BMPER: variants seen among roughly 807,000 people sequenced by gnomAD.
BMPER encodes the protein BMP-binding endothelial regulator protein.
A neutral mutation model predicts 87.3 loss-of-function variants in BMPER; 45 were observed. The ratio of observed to expected loss-of-function variants is 0.52; its 90% CI spans 0.41 to 0.66. The LOEUF (loss-of-function observed/expected upper bound fraction) is 0.66. Ranked by LOEUF, BMPER falls within the 30% of genes least tolerant of loss-of-function variation. The probability of loss-of-function intolerance (pLI) is 0.00; values close to 1 mark genes in which losing one functional copy is unlikely to be tolerated. For missense variants in BMPER, 784 were observed against 867.5 expected, an observed-to-expected ratio of 0.90 and a Z score of 1.21; for synonymous variants, 326 against 316.2, an observed-to-expected ratio of 1.03 and a Z score of -0.33.
intron 2 of BMPER, among the ~76,000 whole-genome samples, chr7:33,921,318 C>T (rs974670096): frequency 3.9e-5 from 6 of 152,146 alleles, no homozygotes; most frequent in East Asian, 1.9e-4. Flanking sequence ...TCAAAGCCAC[C>T]CTGTGAGGTA....
chr7:34,079,063 A>AG lies in BMPER; in HGVS notation c.1288dup (p.Val430GlyfsTer75), dbSNP rs1788942264. 4 of 1,614,008 alleles carry AG rather than the reference A, an allele frequency of 2.5e-6. No homozygotes were observed. Among genetic ancestry groups the AG allele is most frequent in the Non-Finnish European group, 3.4e-6 (4 of 1,180,022 alleles). The stretch of plus-strand genomic sequence containing the variant: ...GGTGGAGCTGGTGCTGGGCGAGAGC[A>AG]GGGTCAGCCTGCAGCAGCACCTCAC... On this transcript the variant is annotated frameshift_variant, in exon 12 of 15. Transcript: ENST00000649409. LOFTEE classifies it high-confidence loss of function.
At chr7:34,029,670 T>C (rs754445730) in intron 6 of BMPER, among the ~76,000 whole-genome samples, 1 of 152,094 alleles carries the variant, frequency 6.6e-6, no homozygotes, top group Non-Finnish European at 1.5e-5. Flanking sequence ...CTATAAGGGA[T>C]CTATTTGTTT....
intron 2 of BMPER, among the ~76,000 whole-genome samples, chr7:33,908,576 C>T (rs529200947): frequency 1.3e-5 from 2 of 152,190 alleles, no homozygotes; most frequent in South Asian, 2.1e-4. Context: ...TGAAAAGATG[C>T]ATCAGTTGGA....
chr7:33,912,636 A>G (rs1316093462), intron 2 of BMPER, among the ~76,000 whole-genome samples: 1 of 152,214 alleles, frequency 6.6e-6, no homozygotes, highest in African/African-American at 2.4e-5. Flanking sequence ...TAAATAAAGG[A>G]TATCAGTTTT....
At chr7:34,137,813 G>T (rs1013431779) in intron 13 of BMPER, among the ~76,000 whole-genome samples, 1 of 152,234 alleles carries the variant, frequency 6.6e-6, no homozygotes, top group Non-Finnish European at 1.5e-5. Context: ...AATGGAGTTA[G>T]AAAAGTAGGC....
intron 5 of BMPER, among the ~76,000 whole-genome samples, chr7:33,971,763 A>G (rs1361395445): frequency 8.5e-5 from 13 of 152,242 alleles, no homozygotes; most frequent in Non-Finnish European, 1.3e-4. Flanking sequence ...CTCGGGTCTC[A>G]GATCTCCCAG....
rs557538960 is a variant in BMPER, at chr7:34,086,157, A to G, written c.1745+65A>G. The G allele has an allele frequency of 1.6e-5, 25 of 1,539,516 alleles. No homozygotes were observed. The Middle Eastern group carries it at 5.8e-4, about 36-fold the overall frequency. ...CCAATAATAGACTTGACCTTGGAACATGGTGTATGAAATCTCTTGTTGTGC... is the reference window on the plus strand; with the variant it reads ...CCAATAATAGACTTGACCTTGGAACGTGGTGTATGAAATCTCTTGTTGTGC... On this transcript the variant is annotated intron_variant, in intron 13 of 14. Coordinates refer to ENST00000649409, the MANE Select transcript of BMPER (RefSeq NM_001365308.1).
intron 3 of BMPER, among the ~76,000 whole-genome samples, chr7:33,946,606 T>C (rs1428679574): frequency 6.6e-6 from 1 of 152,182 alleles, no homozygotes; most frequent in Non-Finnish European, 1.5e-5. Flanking sequence ...ACAAATCTGA[T>C]TTAAAACAAA....
At chr7:34,035,552 A>G (rs971295184) in intron 6 of BMPER, among the ~76,000 whole-genome samples, 1 of 152,224 alleles carries the variant, frequency 6.6e-6, no homozygotes, top group African/African-American at 2.4e-5. Flanking sequence ...AGATTCAGGT[A>G]TATCTTAATT....
rs184919538 is a variant in BMPER at position 34,134,303 on chromosome 7, G to C, written c.1746-8927G>C. 9.0e-4 allele frequency among the ~76,000 whole-genome samples: 137 copies of C among 152,276 alleles called. 2 individuals carry two copies. Among genetic ancestry groups the C allele is most frequent in the African/African-American group, 3.0e-3 (124 of 41,560 alleles). On this transcript the variant is annotated intron_variant, in intron 13 of 14. Coordinates refer to ENST00000649409, the MANE Select transcript of BMPER (RefSeq NM_001365308.1). ...TTTTTTATCAGCCAGCCTCCAAAAA[G>C]GTGAGTTGTTTGATTTAGAAGCAAA...
At chr7:34,095,141 T>C (rs2127980561) in intron 13 of BMPER, among the ~76,000 whole-genome samples, 1 of 152,326 alleles carries the variant, frequency 6.6e-6, no homozygotes, top group African/African-American at 2.4e-5. Flanking sequence ...GCAGAAAAGA[T>C]AATTAATTCC....
intron 2 of BMPER, among the ~76,000 whole-genome samples, chr7:33,922,466 G>C (rs1172568118): frequency 6.6e-6 from 1 of 152,198 alleles, no homozygotes; most frequent in African/African-American, 2.4e-5. Flanking sequence ...GGACGAGCTT[G>C]TCCAACTCAC....
intron 13 of BMPER, among the ~76,000 whole-genome samples, chr7:34,098,024 G>T (rs555635561): frequency 6.6e-6 from 1 of 152,210 alleles, no homozygotes; most frequent in East Asian, 1.9e-4. Context: ...AAGGGCACTG[G>T]TTTTACTGCC....
intron 13 of BMPER, among the ~76,000 whole-genome samples, chr7:34,109,971 C>T (rs374610051): frequency 1.3e-5 from 2 of 152,242 alleles, no homozygotes; most frequent in African/African-American, 4.8e-5. Flanking sequence ...GAGAATCTTG[C>T]TGACAGTCAC....
At chr7:34,086,164 A>G (rs1231753016) in intron 13 of BMPER, 72 bp downstream of exon 13, 1 of 1,520,390 alleles carries the variant, frequency 6.6e-7, no homozygotes, top group African/African-American at 1.4e-5. Context: ...AACATGGTGT[A>G]TGAAATCTCT....
At chr7:34,030,485 T>C (rs1454933557) in intron 6 of BMPER, among the ~76,000 whole-genome samples, 1 of 152,166 alleles carries the variant, frequency 6.6e-6, no homozygotes, top group Non-Finnish European at 1.5e-5. Context: ...AGGAACCTAT[T>C]TAACTTTGTT....
intron 1 of BMPER, 140 bp from the exon 2 acceptor site, chr7:33,906,678 G>T: frequency 1.3e-6 from 1 of 766,800 alleles, no homozygotes. Flanking sequence ...TTGCTTTGGT[G>T]AATTTAATAA....
chr7:34,147,658 C>T (rs1053930627), intron 14 of BMPER, among the ~76,000 whole-genome samples: 3 of 152,024 alleles, frequency 2.0e-5, no homozygotes, highest in Non-Finnish European at 2.9e-5. Context: ...TTAGTAGAGA[C>T]GGGGTTTCTC....
chr7:34,135,616 T>C (rs1173131705), intron 13 of BMPER, among the ~76,000 whole-genome samples: 1 of 152,210 alleles, frequency 6.6e-6, no homozygotes, highest in African/African-American at 2.4e-5. Context: ...CACATGACTA[T>C]CAAATCTAAG....
Sources: allele counts gnomAD v4.1 joint callset (sites outside exome capture counted in the v4.1 genomes callset), GRCh38; gene constraint gnomAD v4.1.1; transcripts MANE v1.5; gene names NCBI Gene and HGNC (gene_info 2026-07-23, HGNC 2026-07-21).